The following CDH18 variants were observed in gnomAD, a reference collection of about 807,000 sequenced individuals.
CDH18 encodes the protein cadherin-18.
A neutral mutation model predicts 67.9 loss-of-function variants in CDH18; 31 were observed. That is an observed-to-expected ratio of 0.46 (90% confidence interval 0.34 to 0.62). The LOEUF (loss-of-function observed/expected upper bound fraction) is 0.62. Among genes scored for constraint, CDH18 ranks in the 20% least tolerant of loss-of-function variants. The pLI, the probability that CDH18 is intolerant of heterozygous loss-of-function variation, is 0.01. For missense variants in CDH18, 890 were observed against 975.5 expected, an observed-to-expected ratio of 0.91 and a Z score of 1.17; for synonymous variants, 362 against 347.2, an observed-to-expected ratio of 1.04 and a Z score of -0.48.
Position 19,752,032 on chromosome 5 carries a change from AG to A in CDH18, c.229-4797del, listed in dbSNP as rs373463025. ...AGTGCCCAGGCTGTGAAACAGGGAA[AG>A]GGAGATCCGTTGCCCTTGAATACAC... On this transcript the variant is annotated intron_variant, in intron 3 of 12. Coordinates refer to ENST00000382275, the MANE Select transcript of CDH18 (RefSeq NM_004934.5). Among the ~76,000 whole-genome samples, 239 of 152,308 alleles carry A rather than the reference AG, an allele frequency of 1.6e-3. 1 individual carries two copies. Among genetic ancestry groups the A allele is most frequent in the African/African-American group, 5.1e-3 (213 of 41,576 alleles).
intron 11 of CDH18, among the ~76,000 whole-genome samples, chr5:19,487,858 CATAATA>C (rs1185540363): frequency 2.0e-5 from 3 of 152,028 alleles, no homozygotes; most frequent in Non-Finnish European, 4.4e-5. Context: ...GAAAAGCAAT[CATAATA>C]ATAAATATAA....
chr5:20,404,346 T>C (rs1746040588), intron 1 of CDH18, among the ~76,000 whole-genome samples: 1 of 152,204 alleles, frequency 6.6e-6, no homozygotes, highest in East Asian at 1.9e-4. Flanking sequence ...GCTTACTCTT[T>C]GATGCAAAAG....
At chr5:20,382,744 C>A (rs1471246476) in intron 1 of CDH18, among the ~76,000 whole-genome samples, 2 of 152,088 alleles carry the variant, frequency 1.3e-5, no homozygotes, top group Non-Finnish European at 2.9e-5. Flanking sequence ...CCACTTCAAA[C>A]AACACTGGCT....
At chr5:19,575,601 T>C (rs1742186338) in intron 7 of CDH18, among the ~76,000 whole-genome samples, 1 of 152,228 alleles carries the variant, frequency 6.6e-6, no homozygotes, top group Non-Finnish European at 1.5e-5. Context: ...AGAATTGTCC[T>C]GTGGGTGCTG....
intron 9 of CDH18, among the ~76,000 whole-genome samples, chr5:19,543,615 C>A (rs778974635): frequency 6.6e-6 from 1 of 151,904 alleles, no homozygotes; most frequent in Non-Finnish European, 1.5e-5. Flanking sequence ...AACCAAATGC[C>A]CTTGACTCAA....
chr5:19,827,662 G>A (rs1780544898), intron 3 of CDH18, among the ~76,000 whole-genome samples: 2 of 152,074 alleles, frequency 1.3e-5, no homozygotes, highest in Admixed American at 1.3e-4. Context: ...ATGAAATTAA[G>A]TCAGAATCAA....
chr5:19,513,744 T>C, intron 10 of CDH18, among the ~76,000 whole-genome samples: 1 of 152,196 alleles, frequency 6.6e-6, no homozygotes. Flanking sequence ...AATTTTTATA[T>C]GGACTTATTT....
At chr5:20,066,947 AG>A (rs1410945951) in intron 2 of CDH18, among the ~76,000 whole-genome samples, 6 of 151,946 alleles carry the variant, frequency 3.9e-5, no homozygotes, top group Non-Finnish European at 5.9e-5. Context: ...AAATACATCC[AG>A]CCCTCCATAT....
At chr5:20,479,731 G>T (rs536855578) in intron 1 of CDH18, among the ~76,000 whole-genome samples, 2 of 152,120 alleles carry the variant, frequency 1.3e-5, no homozygotes, top group African/African-American at 4.8e-5. Context: ...TTATTCAGAG[G>T]AATAGTAACA....
At chr5:20,376,482 T>C (rs1176483010) in intron 1 of CDH18, among the ~76,000 whole-genome samples, 1 of 151,474 alleles carries the variant, frequency 6.6e-6, no homozygotes, top group African/African-American at 2.4e-5. Flanking sequence ...TTCAATTGAA[T>C]GATGTTGGGG....
intron 2 of CDH18, among the ~76,000 whole-genome samples, chr5:20,122,946 CTTCT>C (rs1748489486): frequency 6.8e-6 from 1 of 147,474 alleles, no homozygotes; most frequent in South Asian, 2.1e-4. Context: ...ATTTTATATT[CTTCT>C]TTAACATTTT....
chr5:20,265,235 CT>C (rs1280772424), intron 1 of CDH18, among the ~76,000 whole-genome samples: 2 of 151,974 alleles, frequency 1.3e-5, no homozygotes, highest in South Asian at 4.2e-4. Flanking sequence ...AAAAGACAAA[CT>C]TTTTTTTCCT....
chr5:20,280,208 G>A (rs1168352354), intron 1 of CDH18, among the ~76,000 whole-genome samples: 4 of 150,976 alleles, frequency 2.6e-5, no homozygotes, highest in African/African-American at 4.9e-5. Flanking sequence ...TTTTTTTTCT[G>A]GATTCTTTTT....
chr5:20,127,448 G>C (rs1450229813), intron 2 of CDH18, among the ~76,000 whole-genome samples: 1 of 151,994 alleles, frequency 6.6e-6, no homozygotes, highest in Non-Finnish European at 1.5e-5. Flanking sequence ...CTTAGTGCCT[G>C]TCAGTGGATG....
At chr5:20,417,756 A>G (rs1161052720) in intron 1 of CDH18, among the ~76,000 whole-genome samples, 2 of 152,194 alleles carry the variant, frequency 1.3e-5, no homozygotes, top group Admixed American at 1.3e-4. Flanking sequence ...ATTCCTGCAG[A>G]TGAGAAAGAA....
intron 1 of CDH18, among the ~76,000 whole-genome samples, chr5:20,351,117 T>C (rs1741134884): frequency 6.6e-6 from 1 of 151,920 alleles, no homozygotes. Flanking sequence ...TGACTATCTC[T>C]TTACTTTCTG....
chr5:19,757,368 T>C (rs976972953), intron 3 of CDH18, among the ~76,000 whole-genome samples: 4 of 152,194 alleles, frequency 2.6e-5, no homozygotes, highest in South Asian at 2.1e-4. Context: ...TGGTGCCATA[T>C]TGAGGGCTCA....
chr5:19,910,895 A>T (rs17223556), intron 2 of CDH18, among the ~76,000 whole-genome samples: 44,937 of 151,986 alleles, frequency 0.3, 7,773 homozygotes, highest in South Asian at 0.4. Context: ...ACGTAAGGAC[A>T]TAAAAAGTAG....
intron 2 of CDH18, among the ~76,000 whole-genome samples, chr5:20,212,118 G>A (rs1474507060): frequency 6.6e-6 from 1 of 152,134 alleles, no homozygotes; most frequent in Non-Finnish European, 1.5e-5. Context: ...CCATGGCACA[G>A]AACTATGTGA....
Sources: allele counts gnomAD v4.1 joint callset (sites outside exome capture counted in the v4.1 genomes callset), GRCh38; gene constraint gnomAD v4.1.1; transcripts MANE v1.5; gene names NCBI Gene and HGNC (gene_info 2026-07-23, HGNC 2026-07-21).